CNTNAP5: variants seen among roughly 807,000 people sequenced by gnomAD.
CNTNAP5 encodes contactin associated protein family member 5.
A neutral mutation model predicts 150.2 loss-of-function variants in CNTNAP5; 72 were observed. The ratio of observed to expected loss-of-function variants is 0.48; its 90% CI spans 0.40 to 0.58. The LOEUF (loss-of-function observed/expected upper bound fraction) is 0.58, where lower values mean the gene tolerates loss of function less well. CNTNAP5 is among the 20% of genes least tolerant of loss of function. The pLI is 0.00. For synonymous variants in CNTNAP5, 672 were observed against 619.8 expected, an observed-to-expected ratio of 1.08 and a Z score of -1.25; for missense variants, 1,636 against 1,626.2, an observed-to-expected ratio of 1.01 and a Z score of -0.10.
intron 3 of CNTNAP5, among the ~76,000 whole-genome samples, chr2:124,391,701 A>G (rs1691113473): frequency 1.3e-5 from 2 of 152,216 alleles, no homozygotes; most frequent in Non-Finnish European, 2.9e-5. Flanking sequence ...CACGCCTGTA[A>G]TCCCAGCACT....
intron 2 of CNTNAP5, among the ~76,000 whole-genome samples, chr2:124,240,654 G>A (rs999234490): frequency 1.1e-4 from 14 of 132,104 alleles, no homozygotes; most frequent in African/African-American, 2.7e-4. Context: ...TCTCAGGAAT[G>A]GTGAGAAAAA....
At chr2:124,510,477 GTATATATATATATATA>G (rs70996072) in intron 8 of CNTNAP5, among the ~76,000 whole-genome samples, 2,425 of 102,586 alleles carry the variant, frequency 0.024, 62 homozygotes, top group Non-Finnish European at 0.032. Context: ...TTATGTATGT[GTATATATATATATATA>G]TATATATATA....
At chr2:124,872,983 T>C (rs1677783419) in intron 21 of CNTNAP5, among the ~76,000 whole-genome samples, 1 of 152,096 alleles carries the variant, frequency 6.6e-6, no homozygotes, top group Admixed American at 6.6e-5. Flanking sequence ...CTGTTAAGAT[T>C]GAGGAGGAAT....
chr2:124,673,667 T>C (rs1678868212), intron 13 of CNTNAP5, among the ~76,000 whole-genome samples: 2 of 151,964 alleles, frequency 1.3e-5, no homozygotes, highest in African/African-American at 4.8e-5. Flanking sequence ...ACTATGGGCA[T>C]TACGTAATTT....
In CNTNAP5 at chr2:124,634,652, C is replaced by A. The variant is rs891070602; in HGVS notation, c.1877-13106C>A. On this transcript the variant is annotated intron_variant, in intron 12 of 23. Coordinates refer to ENST00000682447, the MANE Select transcript of CNTNAP5 (RefSeq NM_001367498.1). ...CCCCCCAAGTAGCTGGGATTACAGG[C>A]ATGCACTACCATGCCTGGCTAATTT... Among the ~76,000 whole-genome samples the A allele has an allele frequency of 6.6e-5, 10 of 152,078 alleles. 1 individual carries two copies. Among genetic ancestry groups the A allele is most frequent in the Admixed American group, 6.5e-4 (10 of 15,276 alleles).
intron 11 of CNTNAP5, among the ~76,000 whole-genome samples, chr2:124,597,745 A>G (rs1007076288): frequency 7.2e-5 from 11 of 151,966 alleles, no homozygotes; most frequent in Admixed American, 2.6e-4. Flanking sequence ...GTGTTTTCCA[A>G]CTTGGTTCCA....
intron 22 of CNTNAP5, among the ~76,000 whole-genome samples, chr2:124,903,906 T>C (rs1030580736): frequency 2.6e-5 from 4 of 151,858 alleles, no homozygotes; most frequent in African/African-American, 9.7e-5. Flanking sequence ...ATACAAAAAT[T>C]AGCTGGCCGT....
At chr2:124,692,622 A>T (rs191294825) in intron 13 of CNTNAP5, among the ~76,000 whole-genome samples, 90 of 152,268 alleles carry the variant, frequency 5.9e-4, no homozygotes, top group African/African-American at 2.0e-3. Flanking sequence ...AGAGTCCAGG[A>T]CATGAAGGTT....
intron 7 of CNTNAP5, among the ~76,000 whole-genome samples, chr2:124,502,073 C>T (rs919257401): frequency 1.3e-5 from 2 of 152,136 alleles, no homozygotes; most frequent in African/African-American, 4.8e-5. Context: ...TATCCCAGTG[C>T]ATTTCAAAGT....
chr2:124,101,746 T>G (rs909708748), intron 1 of CNTNAP5, among the ~76,000 whole-genome samples: 1 of 152,318 alleles, frequency 6.6e-6, no homozygotes, highest in South Asian at 2.1e-4. Flanking sequence ...CTGGAGACTG[T>G]GCTAATACAC....
At chr2:124,820,744 C>A (rs1167775618) in intron 19 of CNTNAP5, among the ~76,000 whole-genome samples, 4 of 152,144 alleles carry the variant, frequency 2.6e-5, no homozygotes, top group Non-Finnish European at 4.4e-5. Flanking sequence ...GTATACCATG[C>A]CTGTATTAAT....
Position 124,497,264 on chromosome 2 carries a change from ATG to A in CNTNAP5, c.1063-7025_1063-7024del, listed in dbSNP as rs150959250. On this transcript the variant is annotated intron_variant, in intron 7 of 23. Coordinates refer to ENST00000682447, the MANE Select transcript of CNTNAP5 (RefSeq NM_001367498.1). ...GGGTAGTGAAAGGAGTCCAAAAGGA[ATG>A]TGCTTGAATATCCAAAATAACTGAC... Among the ~76,000 whole-genome samples the A allele has an allele frequency of 1.6e-4, 24 of 152,342 alleles. No individual in the cohort carries two copies. In the East Asian group the frequency reaches 4.1e-3, roughly 26 times the overall value.
At chr2:124,408,284 C>T (rs1030666997) in intron 3 of CNTNAP5, among the ~76,000 whole-genome samples, 2 of 152,110 alleles carry the variant, frequency 1.3e-5, no homozygotes, top group Non-Finnish European at 2.9e-5. Context: ...GATCAAACTG[C>T]AAGGCCGCAG....
chr2:124,862,115 A>G lies in CNTNAP5; in HGVS notation c.3218-3191A>G, dbSNP rs572152453. On this transcript the variant is annotated intron_variant, in intron 19 of 23. Coordinates refer to ENST00000682447, the MANE Select transcript of CNTNAP5 (RefSeq NM_001367498.1). ...AGGCGTGAGCCATCACACCTAGCCCAGTTTTATTTTTAAACTAAGTTTTAT... is the reference window on the plus strand; with the variant it reads ...AGGCGTGAGCCATCACACCTAGCCCGGTTTTATTTTTAAACTAAGTTTTAT... Among the ~76,000 whole-genome samples the G allele has an allele frequency of 2.9e-3, 438 of 152,298 alleles. 2 individuals carry two copies. The highest frequency in any genetic ancestry group is 9.5e-3 in the African/African-American group (395 of 41,586).
intron 8 of CNTNAP5, among the ~76,000 whole-genome samples, chr2:124,510,279 C>CTATATA (rs1238288039): frequency 0.082 from 5,821 of 70,936 alleles, 486 homozygotes; most frequent in Admixed American, 0.21. Flanking sequence ...ATATCTATAT[C>CTATATA]TATATCTATA....
intron 13 of CNTNAP5, among the ~76,000 whole-genome samples, chr2:124,664,914 T>C (rs1034918813): frequency 6.6e-6 from 1 of 152,180 alleles, no homozygotes; most frequent in African/African-American, 2.4e-5. Flanking sequence ...CTCGATCTCC[T>C]GACGTCAGGT....
At chr2:124,062,091 C>G (rs1682025077) in intron 1 of CNTNAP5, among the ~76,000 whole-genome samples, 2 of 152,126 alleles carry the variant, frequency 1.3e-5, no homozygotes, top group African/African-American at 4.8e-5. Flanking sequence ...TAAATCCAGC[C>G]ACCACATGGC....
chr2:124,607,133 TA>T (rs540387724), intron 11 of CNTNAP5, among the ~76,000 whole-genome samples: 58 of 152,290 alleles, frequency 3.8e-4, no homozygotes, highest in Non-Finnish European at 6.5e-4. Context: ...CTACCTATTG[TA>T]ATGAAGGATT....
intron 1 of CNTNAP5, among the ~76,000 whole-genome samples, chr2:124,142,286 G>A (rs1168521019): frequency 2.2e-4 from 28 of 125,992 alleles, no homozygotes; most frequent in Admixed American, 3.3e-4. Context: ...TGCACCAAGC[G>A]GACCTAATAG....
Sources: allele counts gnomAD v4.1 joint callset (sites outside exome capture counted in the v4.1 genomes callset), GRCh38; gene constraint gnomAD v4.1.1; transcripts MANE v1.5; gene names NCBI Gene and HGNC (gene_info 2026-07-23, HGNC 2026-07-21).